Variants in CEP63 observed in about 807,000 individuals in gnomAD.
CEP63 encodes centrosomal protein 63, also known as centrosomal protein of 63 kDa.
CEP63 carries 84 observed loss-of-function variants against 89.1 expected under a neutral mutation model. The ratio of observed to expected loss-of-function variants is 0.94; its 90% CI spans 0.79 to 1.13. The LOEUF is 1.13. Among genes scored for constraint, CEP63 ranks in the 50% most tolerant of loss-of-function variants. CEP63 has a pLI of 0.00. For synonymous variants in CEP63, 267 were observed against 272.5 expected, an observed-to-expected ratio of 0.98 and a Z score of 0.20; for missense variants, 838 against 813.3, an observed-to-expected ratio of 1.03 and a Z score of -0.37.
At chr3:134,694,438 G>A in the CEP63 span, among the ~76,000 whole-genome samples, 25 of 152,312 alleles carry the variant, frequency 1.6e-4, no homozygotes, top group Non-Finnish European at 3.1e-4. Flanking sequence ...GCAGCCTGGA[G>A]TCCCTGAGCG....
the CEP63 span, among the ~76,000 whole-genome samples, chr3:134,648,857 A>G: frequency 1.3e-5 from 2 of 152,178 alleles, no homozygotes; most frequent in Non-Finnish European, 2.9e-5. Context: ...TATATAACCA[A>G]GGAAGATCCA....
intron 6 of CEP63, among the ~76,000 whole-genome samples, chr3:134,542,907 C>T (rs1408609545): frequency 1.3e-5 from 2 of 149,100 alleles, no homozygotes; most frequent in Admixed American, 1.3e-4. Flanking sequence ...AAGAGGAATG[C>T]CTGTTTCTGG....
intron 12 of CEP63, among the ~76,000 whole-genome samples, chr3:134,554,693 C>T (rs1367539802): frequency 6.6e-6 from 1 of 152,170 alleles, no homozygotes; most frequent in African/African-American, 2.4e-5. Context: ...ACTTTATAGT[C>T]CCACCAACAG....
At chr3:134,610,379 C>T in the CEP63 span, 30 of 1,610,396 alleles carry the variant, frequency 1.9e-5, no homozygotes, top group East Asian at 2.0e-4. Context: ...TGCACTCCGG[C>T]GAGCCTGGGG....
the CEP63 span, chr3:134,602,993 G>T: frequency 5.9e-5 from 9 of 152,320 alleles, no homozygotes; most frequent in African/African-American, 1.9e-4. Context: ...CTTTTTCTTG[G>T]GCTCTTGAAG....
chr3:134,755,143 A>T, the CEP63 span, among the ~76,000 whole-genome samples: 2 of 152,174 alleles, frequency 1.3e-5, no homozygotes, highest in African/African-American at 2.4e-5. Flanking sequence ...TGATTTATGG[A>T]GGATACAGCA....
downstream of CEP63, among the ~76,000 whole-genome samples, chr3:134,567,912 C>T (rs1957851445): frequency 6.6e-6 from 1 of 152,248 alleles, no homozygotes; most frequent in Non-Finnish European, 1.5e-5. Context: ...TAGAGGGTTA[C>T]AGACCACTGA....
At chr3:134,596,188 C>T in the CEP63 span, among the ~76,000 whole-genome samples, 17 of 152,108 alleles carry the variant, frequency 1.1e-4, no homozygotes, top group Non-Finnish European at 1.6e-4. Context: ...AAATTTGGAG[C>T]GGGAACAAAT....
At chr3:134,680,928 T>C in the CEP63 span, among the ~76,000 whole-genome samples, 1 of 152,216 alleles carries the variant, frequency 6.6e-6, no homozygotes, top group Non-Finnish European at 1.5e-5. Flanking sequence ...TCTTAATTCT[T>C]GCCTCCTGCC....
intron 1 of CEP63, among the ~76,000 whole-genome samples, chr3:134,488,297 C>G (rs1936357220): frequency 6.6e-6 from 1 of 152,162 alleles, no homozygotes; most frequent in Admixed American, 6.5e-5. Flanking sequence ...CTAACCCTGT[C>G]CATGTGTATT....
the CEP63 span, among the ~76,000 whole-genome samples, chr3:134,748,709 A>C: frequency 6.6e-6 from 1 of 152,200 alleles, no homozygotes; most frequent in African/African-American, 2.4e-5. Flanking sequence ...GCAGTGCTGA[A>C]GTCCTGGCTT....
At chr3:134,666,240 C>T in the CEP63 span, among the ~76,000 whole-genome samples, 3 of 152,198 alleles carry the variant, frequency 2.0e-5, no homozygotes, top group Non-Finnish European at 2.9e-5. Context: ...ATCACAGCCT[C>T]TGGGCCCAGG....
chr3:134,769,994 C>T, the CEP63 span, among the ~76,000 whole-genome samples: 1 of 152,230 alleles, frequency 6.6e-6, no homozygotes, highest in African/African-American at 2.4e-5. Context: ...AGCTTTCTCC[C>T]TGTCATTGCA....
the CEP63 span, among the ~76,000 whole-genome samples, chr3:134,734,345 G>C: frequency 6.6e-6 from 1 of 152,102 alleles, no homozygotes; most frequent in Non-Finnish European, 1.5e-5. Flanking sequence ...AGACTCCAGG[G>C]CATTATGTTA....
the CEP63 span, among the ~76,000 whole-genome samples, chr3:134,720,849 T>C: frequency 6.6e-6 from 1 of 152,262 alleles, no homozygotes; most frequent in East Asian, 1.9e-4. Context: ...TTTGTCCTTA[T>C]GCCAGTACCA....
At chr3:134,727,379 C>T in the CEP63 span, among the ~76,000 whole-genome samples, 2 of 152,208 alleles carry the variant, frequency 1.3e-5, no homozygotes, top group Non-Finnish European at 2.9e-5. Flanking sequence ...GCCTGGGAGA[C>T]TAGTTGTTTA....
At chr3:134,650,122 C>A in the CEP63 span, among the ~76,000 whole-genome samples, 1 of 152,152 alleles carries the variant, frequency 6.6e-6, no homozygotes, top group African/African-American at 2.4e-5. Flanking sequence ...CAGAGAGGCC[C>A]GGATCCTGCT....
the CEP63 span, among the ~76,000 whole-genome samples, chr3:134,697,542 A>T: frequency 6.6e-6 from 1 of 152,202 alleles, no homozygotes; most frequent in African/African-American, 2.4e-5. Context: ...TACACCTTCC[A>T]TGGCATTCCT....
chr3:134,490,535 T>A (rs1219344403), intron 1 of CEP63, among the ~76,000 whole-genome samples: 1 of 152,034 alleles, frequency 6.6e-6, no homozygotes, highest in Non-Finnish European at 1.5e-5. Flanking sequence ...AGTTAGCCTA[T>A]CAAGTTGATA....
Sources: gnomAD v4.1 joint callset for allele counts (sites outside exome capture counted in the v4.1 genomes callset) on GRCh38, gnomAD v4.1.1 for gene constraint, MANE v1.5 for transcripts, NCBI Gene and HGNC (gene_info 2026-07-23, HGNC 2026-07-21) for gene names.